The following ZNF548 variants were observed in gnomAD, a reference collection of about 807,000 sequenced individuals.
ZNF548 encodes zinc finger protein 548.
Under a neutral mutation model 10.2 loss-of-function variants are expected in ZNF548, and 10 were observed. That is an observed-to-expected ratio of 0.98 (90% CI 0.60 to 1.66). The LOEUF (loss-of-function observed/expected upper bound fraction) is 1.66, where lower values mean the gene tolerates loss of function less well. Among genes scored for constraint, ZNF548 ranks in the 40% most tolerant of loss-of-function variants. The pLI, the probability that ZNF548 is intolerant of heterozygous loss-of-function variation, is 0.00. For synonymous variants in ZNF548, 217 were observed against 223.5 expected, an observed-to-expected ratio of 0.97 and a Z score of 0.26; for missense variants, 599 against 657.0, an observed-to-expected ratio of 0.91 and a Z score of 0.97.
chr19:57,390,111 T>G lies in ZNF548; in HGVS notation c.12T>G (p.Thr4=). The part of the protein sequence containing the change: MNL[T]EGPLAMAEMD... The stretch of plus-strand genomic sequence containing the variant: ...CGGAGGCCTTGCTGATGAACCTGAC[T>G]GAGGTGGGTGTCCCGTCCCAGGCTC... The change falls in exon 1 of 4, where the codon ACT becomes ACG. Residue 4 remains threonine, a synonymous_variant. Transcript: ENST00000336128. The G allele has an allele frequency of 6.2e-7, 1 of 1,608,500 alleles. No individual in the cohort carries two copies. Among genetic ancestry groups the G allele is most frequent in the Middle Eastern group, 1.7e-4 (1 of 6,060 alleles).
rs778356544 is a variant in ZNF548, at chr19:57,390,060, GC to G, written c.-36del. 1.9e-6 allele frequency: 3 copies of G among 1,606,554 alleles called. No individual in the cohort carries two copies. In the South Asian group the frequency reaches 3.3e-5, roughly 18 times the overall value. On this transcript the variant is annotated 5_prime_UTR_variant, in exon 1 of 4. Transcript: ENST00000336128. Reference sequence around the variant, plus strand: ...TCCTTGTCTTGCCTTTGTCGCTCCCGCCCCGCTCTTCCCTGGCTGGGCTGGC... The same window carrying G: ...TCCTTGTCTTGCCTTTGTCGCTCCCGCCCGCTCTTCCCTGGCTGGGCTGGC...
chr19:57,399,388 C>T lies in ZNF548; in HGVS notation c.1137C>T (p.Cys379=). ...ACACTGGAGAAAGGCCTTATGAGTG[C>T]AGTGTATGTGGGGAATTGTTTAGGT... The part of the protein sequence containing the change: ...RIHTGERPYE[C]SVCGELFRYN... The change falls in exon 4 of 4, where the codon TGC becomes TGT. Residue 379 remains cysteine (C), a synonymous_variant. Transcript: ENST00000336128. The surrounding 1 kb of genome is among the most constrained non-coding windows in gnomAD (Gnocchi z 4.0). 6.2e-7 allele frequency: 1 copy of T among 1,614,172 alleles called. No individual in the cohort carries two copies. Among genetic ancestry groups the T allele is most frequent in the Non-Finnish European group, 8.5e-7 (1 of 1,180,038 alleles).
In ZNF548 at chr19:57,389,906, C is replaced by CA. The variant is rs749344217; in HGVS notation, c.-193dup. 2.0e-5 allele frequency: 12 copies of CA among 590,366 alleles called. No individual in the cohort carries two copies. The highest frequency in any genetic ancestry group is 3.1e-5 in the Non-Finnish European group (11 of 353,200). 36.6% of individuals were successfully genotyped at this position (590,366 alleles called of 1,614,324 possible). A position where few individuals can be genotyped will look rare whatever the true frequency, so the allele number is the denominator to read the frequency against. On this transcript the variant is annotated 5_prime_UTR_variant, in exon 1 of 4. Transcript: ENST00000336128. ...GTCGTTTTGGTTCTGTGTGGTGTTT[C>CA]ACCAACTTCGGCCTATGGCTCTGTC... is the stretch of plus-strand genomic sequence containing the variant.
At position 57,401,902 on chromosome 19, in the gene ZNF548, C is replaced by A. The variant is rs1470752261; in HGVS notation, c.*2013C>A. The A allele has an allele frequency of 6.6e-6, 1 of 152,100 alleles. No homozygotes were observed. The highest frequency in any genetic ancestry group is 1.5e-5 in the Non-Finnish European group (1 of 68,022). The allele number at this position is 152,100 out of a possible 1,614,324, so 9.4% of individuals were successfully genotyped here. On this transcript the variant is annotated 3_prime_UTR_variant, in exon 4 of 4. Coordinates refer to ENST00000336128, the MANE Select transcript of ZNF548 (RefSeq NM_001172773.2). ...TACAAGTGTACACCACCACACCTGG[C>A]TAATTTTTGTATTTTTAGTAGAGAT...
chr19:57,399,598 TA>T lies in ZNF548; in HGVS notation c.1350del (p.Lys450AsnfsTer71), dbSNP rs2088697913. On this transcript the variant is annotated frameshift_variant, in exon 4 of 4. Transcript: ENST00000336128. LOFTEE classifies it low-confidence loss of function (END_TRUNC). The surrounding 1 kb of genome is among the most constrained non-coding windows in gnomAD (Gnocchi z 4.0). Reference protein sequence around the residue: ...KFFRYNSNLIKHWRNHTGERP... With the variant: ...KFFRYNSNLIXHWRNHTGERP... ...TCTTTCGTTACAACTCCAACCTCAT[TA>T]AACATTGGAGAAATCACACTGGAGA... The T allele has an allele frequency of 1.2e-6, 2 of 1,613,786 alleles. No individual in the cohort carries two copies. Among genetic ancestry groups the T allele is most frequent in the African/African-American group, 2.7e-5 (2 of 74,838 alleles).
Position 57,391,789 on chromosome 19 carries a change from G to GTTT in ZNF548, c.15+1695_15+1697dup, listed in dbSNP as rs71186258. Among the ~76,000 whole-genome samples the GTTT allele has an allele frequency of 7.8e-3, 725 of 93,504 alleles. 20 individuals are homozygous for GTTT. The highest frequency in any genetic ancestry group is 8.3e-3 in the Non-Finnish European group (411 of 49,802). 61.3% of individuals were successfully genotyped at this position (93,504 alleles called of 152,430 possible). A position where few individuals can be genotyped will look rare whatever the true frequency, so the allele number is the denominator to read the frequency against. ...GAAAAATGTCTGCCCTGTGCTTACT[G>GTTT]TTTTTTTTTTTTTTTTTTTTTTGAA... is the stretch of plus-strand genomic sequence containing the variant. On this transcript the variant is annotated intron_variant, in intron 1 of 3. Transcript: ENST00000336128.
intron 1 of ZNF548, among the ~76,000 whole-genome samples, chr19:57,391,830 G>A (rs1378887436): frequency 1.8e-5 from 2 of 112,982 alleles, no homozygotes; most frequent in East Asian, 3.0e-4. Flanking sequence ...GTCTCGCTCC[G>A]TCGCCCAGGC....
intron 1 of ZNF548, among the ~76,000 whole-genome samples, chr19:57,393,273 A>G (rs1468395589): frequency 6.6e-6 from 1 of 152,182 alleles, no homozygotes; most frequent in Non-Finnish European, 1.5e-5. Context: ...TTAATAATGT[A>G]TGAAACACTT....
chr19:57,392,860 C>T (rs2088636820), intron 1 of ZNF548: 1 of 985,346 alleles, frequency 1.0e-6, no homozygotes, highest in African/African-American at 1.7e-5. Context: ...ATTGGTGGCT[C>T]CACAGACATC....
chr19:57,392,132 G>GT (rs1298944043), intron 1 of ZNF548, among the ~76,000 whole-genome samples: 1 of 151,398 alleles, frequency 6.6e-6, no homozygotes, highest in Non-Finnish European at 1.5e-5. Flanking sequence ...TTTTGTTGTT[G>GT]TTTTTTTGTT....
At chr19:57,392,074 C>T (rs2088630904) in intron 1 of ZNF548, among the ~76,000 whole-genome samples, 1 of 151,756 alleles carries the variant, frequency 6.6e-6, no homozygotes, top group Non-Finnish European at 1.5e-5. Context: ...GCTGGGATTA[C>T]AGGTGTGAGC....
chr19:57,398,968 T>C lies in ZNF548; in HGVS notation c.717T>C (p.Cys239=). ...KIHTGERSYE[C]NKCGKFFKYS... ...ACACAGGAGAAAGGTCTTATGAATG[T>C]AACAAATGTGGGAAATTCTTTAAGT... The change falls in exon 4 of 4, where the codon TGT becomes TGC. Residue 239 remains cysteine, a synonymous_variant. Transcript: ENST00000336128. 6.2e-7 allele frequency: 1 copy of C among 1,614,020 alleles called. No individual in the cohort carries two copies. Among genetic ancestry groups the C allele is most frequent in the South Asian group, 1.1e-5 (1 of 91,082 alleles).
intron 1 of ZNF548, chr19:57,393,097 T>C: frequency 1.1e-5 from 6 of 527,710 alleles, no homozygotes; most frequent in Non-Finnish European, 1.5e-5. Context: ...ATCAGAGCAC[T>C]GCTTTTTCCC....
chr19:57,395,611 G>T lies in ZNF548; in HGVS notation c.51+1388G>T, dbSNP rs1008457851. 2.0e-5 allele frequency among the ~76,000 whole-genome samples: 3 copies of T among 152,152 alleles called. No individual in the cohort carries two copies. Among genetic ancestry groups the T allele is most frequent in the Non-Finnish European group, 2.9e-5 (2 of 68,024 alleles). On this transcript the variant is annotated intron_variant, in intron 2 of 3. Coordinates refer to ENST00000336128, the MANE Select transcript of ZNF548 (RefSeq NM_001172773.2). This position sits in a 1 kb window ranked among gnomAD's most constrained non-coding sequence, Gnocchi z 4.8. ...AGAGCCAAACACTTTTAAACAACCA[G>T]ATCTCGTGAGAACTTACTATTATGA...
At chr19:57,394,618 C>T (rs1024397872) in intron 2 of ZNF548, among the ~76,000 whole-genome samples, 10 of 152,092 alleles carry the variant, frequency 6.6e-5, no homozygotes, top group East Asian at 1.9e-4. Flanking sequence ...AAGTGGGAGA[C>T]GGGGAAGATT....
Position 57,399,701 on chromosome 19 carries a change from A to G in ZNF548, c.1450A>G (p.Ser484Gly). The change falls in exon 4 of 4, where the codon AGT becomes GGT. Residue 484 changes from serine to glycine, a missense_variant. Coordinates refer to ENST00000336128, the MANE Select transcript of ZNF548 (RefSeq NM_001172773.2). The surrounding 1 kb of genome is among the most constrained non-coding windows in gnomAD (Gnocchi z 4.0). Reference sequence around the variant, plus strand: ...ACTTGTTGAGCACCAGAAAATCCACAGTGGAGAAAGACCTTATGAGTGCAG... The same window carrying G: ...ACTTGTTGAGCACCAGAAAATCCACGGTGGAGAAAGACCTTATGAGTGCAG... ...HILVEHQKIH[S>G]GERPYECSEC... The G allele has an allele frequency of 1.2e-6, 2 of 1,614,186 alleles. No homozygotes were observed. The highest frequency in any genetic ancestry group is 1.7e-6 in the Non-Finnish European group (2 of 1,179,984).
In ZNF548 at chr19:57,402,728, G is replaced by A. The variant is rs2088727463; in HGVS notation, c.*2839G>A. ...TCCTTGTTAACATGATAACTCAGTA[G>A]AGCAATGCTTTGGAGATTAGCTTTT... On this transcript the variant is annotated 3_prime_UTR_variant, in exon 4 of 4. Transcript: ENST00000336128. The A allele has an allele frequency of 1.3e-5, 2 of 152,238 alleles. No homozygotes were observed. 9.4% of individuals were successfully genotyped at this position (152,238 alleles called of 1,614,324 possible).
rs375306130 is a variant in ZNF548 at position 57,394,197 on chromosome 19, G to C, written c.25G>C (p.Ala9Pro). ...CTTTCTCTTCCCTCAGGGTCCCCTG[G>C]CGATGGCAGAAATGGACCCTACACA... is the stretch of plus-strand genomic sequence containing the variant. MNLTEGPL[A>P]MAEMDPTQGR... is the part of the protein sequence containing the mutation. Residue 9 changes from alanine (A) to proline (P), a missense_variant, in exon 2 of 4, where the codon GCG becomes CCG. Physicochemically the swap from Ala to Pro is conservative, Grantham distance 27 (BLOSUM62 -1). Transcript: ENST00000336128. The C allele has an allele frequency of 5.1e-4, 823 of 1,604,588 alleles. 4 individuals carry two copies. In the African/African-American group the frequency reaches 9.5e-3, roughly 18 times the overall value.
chr19:57,397,195 C>T, intron 3 of ZNF548, 21 bp downstream of exon 3: 1 of 1,582,212 alleles, frequency 6.3e-7, no homozygotes, highest in Non-Finnish European at 8.6e-7. Context: ...CACACTTGCC[C>T]AGTGTCCTGG....
Sources: allele counts gnomAD v4.1 joint callset (sites outside exome capture counted in the v4.1 genomes callset), GRCh38; gene constraint gnomAD v4.1.1; non-coding constraint Gnocchi (gnomAD v3.1); transcripts MANE v1.5; gene names NCBI Gene and HGNC (gene_info 2026-07-23, HGNC 2026-07-21).